DNAJC1: variants seen among roughly 807,000 people sequenced by gnomAD.
DNAJC1 encodes DnaJ heat shock protein family (Hsp40) member C1.
A neutral mutation model predicts 76.6 loss-of-function variants in DNAJC1; 58 were observed. The observed-to-expected ratio is 0.76, with a 90% confidence interval of 0.61 to 0.94. The LOEUF (loss-of-function observed/expected upper bound fraction) is 0.94. DNAJC1 is among the 40% of genes least tolerant of loss of function. The probability of loss-of-function intolerance (pLI) is 0.00; values close to 1 mark genes in which losing one functional copy is unlikely to be tolerated. For synonymous variants in DNAJC1, 258 were observed against 267.9 expected (o/e 0.96, Z 0.36); for missense variants, 689 against 677.3 (o/e 1.02, Z -0.19).
rs1363633048 is a variant in DNAJC1 at position 21,856,245 on chromosome 10, C to A, written c.978+26037G>T. 2.6e-5 allele frequency among the ~76,000 whole-genome samples: 4 copies of A among 152,094 alleles called. No homozygotes were observed. The East Asian group carries it at 7.7e-4, about 29-fold the overall frequency. On this transcript the variant is annotated intron_variant, in intron 8 of 11. Coordinates refer to ENST00000376980, the MANE Select transcript of DNAJC1 (RefSeq NM_022365.4). ...ACTGCAACTACTATTTTCAGAAATT[C>A]TATAAGCCAGTTAAATATATGCATC...
chr10:21,913,275 A>C lies in DNAJC1; in HGVS notation c.729+5504T>G, dbSNP rs1365105318. ...ATGCTACCGAGAAATGTAATATATG[A>C]GTCAGAGAGAAACTTGAATGGTGAA... On this transcript the variant is annotated intron_variant, in intron 6 of 11. Coordinates refer to ENST00000376980, the MANE Select transcript of DNAJC1 (RefSeq NM_022365.4). 2.0e-5 allele frequency among the ~76,000 whole-genome samples: 3 copies of C among 152,154 alleles called. No homozygotes were observed. The East Asian group carries it at 5.8e-4, about 29-fold the overall frequency.
At chr10:21,983,397 A>G (rs1380247117) in intron 1 of DNAJC1, among the ~76,000 whole-genome samples, 1 of 152,194 alleles carries the variant, frequency 6.6e-6, no homozygotes, top group Non-Finnish European at 1.5e-5. Context: ...ATTTATATCT[A>G]GTGCTTATAA....
chr10:21,834,228 C>T (rs371480463), intron 8 of DNAJC1, among the ~76,000 whole-genome samples: 1 of 151,762 alleles, frequency 6.6e-6, no homozygotes, highest in East Asian at 1.9e-4. Context: ...CGTGCCACTG[C>T]ACTCCAGCCT....
intron 8 of DNAJC1, among the ~76,000 whole-genome samples, chr10:21,820,671 G>T (rs1409759956): frequency 1.3e-5 from 2 of 152,152 alleles, no homozygotes; most frequent in African/African-American, 4.8e-5. Flanking sequence ...GTTCCCCCCA[G>T]ACCCTCCAAC....
intron 7 of DNAJC1, among the ~76,000 whole-genome samples, chr10:21,885,296 T>G (rs1013043989): frequency 4.6e-5 from 7 of 152,162 alleles, no homozygotes; most frequent in African/African-American, 1.7e-4. Flanking sequence ...TTAACTATCC[T>G]AAATATATAT....
chr10:21,913,676 A>T (rs1836904600), intron 6 of DNAJC1, among the ~76,000 whole-genome samples: 1 of 152,222 alleles, frequency 6.6e-6, no homozygotes, highest in Non-Finnish European at 1.5e-5. Flanking sequence ...TTACAAGCCG[A>T]ACACAACCAA....
intron 8 of DNAJC1, among the ~76,000 whole-genome samples, chr10:21,831,882 C>G (rs549226942): frequency 8.6e-5 from 13 of 151,956 alleles, no homozygotes; most frequent in African/African-American, 1.7e-4. Flanking sequence ...CCCAAGGAAG[C>G]CTTCTCAAGG....
chr10:21,805,439 G>C (rs371080367), intron 9 of DNAJC1, among the ~76,000 whole-genome samples: 1 of 142,746 alleles, frequency 7.0e-6, no homozygotes, highest in East Asian at 2.1e-4. Context: ...GTTACGTATG[G>C]ACACACACAC....
chr10:21,772,163 A>G (rs1014598817), intron 9 of DNAJC1, among the ~76,000 whole-genome samples: 1 of 151,442 alleles, frequency 6.6e-6, no homozygotes, highest in Non-Finnish European at 1.5e-5. Context: ...GATTTTTTTC[A>G]TCCATATTTA....
At chr10:21,762,156 C>A (rs909781876) in intron 10 of DNAJC1, among the ~76,000 whole-genome samples, 4 of 152,158 alleles carry the variant, frequency 2.6e-5, no homozygotes, top group African/African-American at 9.7e-5. Flanking sequence ...CCAGGATGGT[C>A]TCAATCTCTT....
intron 8 of DNAJC1, among the ~76,000 whole-genome samples, chr10:21,831,693 G>C (rs574827796): frequency 4.2e-4 from 64 of 151,902 alleles, no homozygotes; most frequent in Non-Finnish European, 7.2e-4. Flanking sequence ...AGGAGGCTGA[G>C]GCAGGAGAAT....
At chr10:21,894,135 T>C (rs1324951432) in intron 7 of DNAJC1, among the ~76,000 whole-genome samples, 2 of 152,210 alleles carry the variant, frequency 1.3e-5, no homozygotes, top group Non-Finnish European at 2.9e-5. Context: ...GATATTTAAA[T>C]AGCTCTATAA....
intron 8 of DNAJC1, among the ~76,000 whole-genome samples, chr10:21,808,359 T>C (rs1225246567): frequency 6.6e-6 from 1 of 152,198 alleles, no homozygotes; most frequent in Non-Finnish European, 1.5e-5. Context: ...TTAATGAGTG[T>C]GTAAAAGCAT....
At chr10:21,826,342 G>T (rs1835254096) in intron 8 of DNAJC1, among the ~76,000 whole-genome samples, 1 of 151,060 alleles carries the variant, frequency 6.6e-6, no homozygotes, top group African/African-American at 2.4e-5. Context: ...TTATTTTAGA[G>T]ATAGAGTCTC....
At chr10:21,924,561 TTC>T (rs1837090240) in intron 3 of DNAJC1, among the ~76,000 whole-genome samples, 1 of 152,164 alleles carries the variant, frequency 6.6e-6, no homozygotes, top group East Asian at 1.9e-4. Flanking sequence ...TCAACTAACA[TTC>T]AGGGCACTCA....
chr10:21,992,904 C>A, intron 1 of DNAJC1, among the ~76,000 whole-genome samples: 1 of 152,064 alleles, frequency 6.6e-6, no homozygotes. Flanking sequence ...CATTTAATGG[C>A]CATTCTGACA....
intron 9 of DNAJC1, among the ~76,000 whole-genome samples, chr10:21,801,642 T>C (rs1485647498): frequency 6.6e-6 from 1 of 152,112 alleles, no homozygotes; most frequent in African/African-American, 2.4e-5. Context: ...ACTGGACATA[T>C]ACCCAGAGGA....
chr10:21,848,631 T>C (rs1373003181), intron 8 of DNAJC1, among the ~76,000 whole-genome samples: 3 of 152,142 alleles, frequency 2.0e-5, no homozygotes, highest in Non-Finnish European at 4.4e-5. Context: ...ATAAACCAAA[T>C]AGATCTAACA....
At chr10:21,763,394 A>T (rs1406627420) in intron 10 of DNAJC1, among the ~76,000 whole-genome samples, 1 of 152,222 alleles carries the variant, frequency 6.6e-6, no homozygotes, top group Non-Finnish European at 1.5e-5. Flanking sequence ...CATAAGAAAG[A>T]GGGAGGCAAA....
Sources: allele counts gnomAD v4.1 joint callset (sites outside exome capture counted in the v4.1 genomes callset), GRCh38; gene constraint gnomAD v4.1.1; transcripts MANE v1.5; gene names NCBI Gene and HGNC (gene_info 2026-07-23, HGNC 2026-07-21).